HDAC11: variants seen among roughly 807,000 people sequenced by gnomAD.
The protein encoded by HDAC11 is histone deacetylase 11.
A neutral mutation model predicts 41.1 loss-of-function variants in HDAC11; 23 were observed. That is an observed-to-expected ratio of 0.56 (90% CI 0.40 to 0.79). The LOEUF (loss-of-function observed/expected upper bound fraction) is 0.79. Among genes scored for constraint, HDAC11 ranks in the 30% least tolerant of loss-of-function variants. HDAC11 has a pLI of 0.00. For missense variants in HDAC11, 402 were observed against 477.3 expected, an observed-to-expected ratio of 0.84 and a Z score of 1.47; for synonymous variants, 187 against 186.6, an observed-to-expected ratio of 1.00 and a Z score of -0.02.
chr3:13,486,225 C>CAT (rs1701558723), intron 3 of HDAC11, among the ~76,000 whole-genome samples: 1 of 144,604 alleles, frequency 6.9e-6, no homozygotes. Context: ...CGAGATTGCG[C>CAT]CATTGCACTC....
intron 3 of HDAC11, among the ~76,000 whole-genome samples, chr3:13,486,267 CAAAAAAAAAAA>C (rs76727800): frequency 1.5e-5 from 1 of 65,212 alleles, no homozygotes; most frequent in African/African-American, 6.4e-5. Context: ...AACTCCATCT[CAAAAAAAAAAA>C]AAAAAAAAAA....
intron 3 of HDAC11, among the ~76,000 whole-genome samples, chr3:13,486,836 C>T (rs1463045556): frequency 1.3e-5 from 2 of 152,132 alleles, no homozygotes; most frequent in Non-Finnish European, 2.9e-5. Flanking sequence ...GCCTCGGCCT[C>T]CCAAAGTGCT....
chr3:13,502,006 G>C lies in HDAC11; in HGVS notation c.552+73G>C. The stretch of plus-strand genomic sequence containing the variant: ...GTTCCAGAATCTTCCCGGGGCAGGA[G>C]AGTCTCCCTCCTCATGTCCCCACGG... On this transcript the variant is annotated intron_variant, in intron 7 of 9. Transcript: ENST00000295757. The surrounding 1 kb of genome is among the most constrained non-coding windows in gnomAD (Gnocchi z 4.1). 1 of 1,280,238 alleles carries C rather than the reference G, an allele frequency of 7.8e-7. No homozygotes were observed. The highest frequency in any genetic ancestry group is 1.1e-6 in the Non-Finnish European group (1 of 882,046). 79.3% of individuals were successfully genotyped at this position (1,280,238 alleles called of 1,614,324 possible).
chr3:13,481,173 A>G (rs887941150), intron 1 of HDAC11, 73 bp from the exon 2 acceptor site: 13 of 1,510,602 alleles, frequency 8.6e-6, no homozygotes, highest in East Asian at 2.4e-5. Context: ...GGGTCAGTCC[A>G]GGCGGGCTCG....
chr3:13,494,094 C>T (rs758229138), intron 3 of HDAC11, among the ~76,000 whole-genome samples: 4 of 152,248 alleles, frequency 2.6e-5, no homozygotes, highest in Non-Finnish European at 5.9e-5. Flanking sequence ...GCTTCCCAAA[C>T]GACTTGCCGG....
At chr3:13,484,615 C>T (rs1022958708) in intron 3 of HDAC11, among the ~76,000 whole-genome samples, 1 of 152,226 alleles carries the variant, frequency 6.6e-6, no homozygotes, top group Non-Finnish European at 1.5e-5. Context: ...TAACCTCCGC[C>T]TCCCGGGTTC....
At chr3:13,493,976 A>G (rs1000097992) in intron 3 of HDAC11, among the ~76,000 whole-genome samples, 4 of 152,240 alleles carry the variant, frequency 2.6e-5, no homozygotes, top group Non-Finnish European at 5.9e-5. Context: ...ATCTTCTGAC[A>G]TCTGGGGGGA....
rs368981033 is a variant in HDAC11 at position 13,504,143 on chromosome 3, G to C, written c.699G>C (p.Glu233Asp). 1 of 1,614,004 alleles carries C rather than the reference G, an allele frequency of 6.2e-7. No homozygotes were observed. The highest frequency in any genetic ancestry group is 1.3e-5 in the African/African-American group (1 of 74,940). Residue 233 changes from glutamate to aspartate, a missense_variant, in exon 9 of 10, where the codon GAG becomes GAC. By Grantham distance (45) the Glu-to-Asp change is conservative. Coordinates refer to ENST00000295757, the MANE Select transcript of HDAC11 (RefSeq NM_024827.4). ...TGGAGTGGGGCACAGAGGATGATGA[G>C]TACCTGGATAAGGTGGAGAGGAACA... ...VELEWGTEDD[E>D]YLDKVERNIK...
intron 5 of HDAC11, 53 bp from the exon 6 acceptor site, chr3:13,500,660 G>A: frequency 7.0e-7 from 1 of 1,433,002 alleles, no homozygotes; most frequent in Non-Finnish European, 9.6e-7. Flanking sequence ...GGAGCTCCTG[G>A]ACTGAGCCTG....
chr3:13,498,264 C>T (rs1470377804), intron 4 of HDAC11, among the ~76,000 whole-genome samples: 1 of 152,178 alleles, frequency 6.6e-6, no homozygotes, highest in African/African-American at 2.4e-5. Context: ...TTTATTTTTT[C>T]CAGTTTCCTT....
chr3:13,480,589 G>C lies in HDAC11; in HGVS notation c.2+240G>C, dbSNP rs1339100813. On this transcript the variant is annotated intron_variant, in intron 1 of 9. Transcript: ENST00000295757. The surrounding 1 kb of genome is among the most constrained non-coding windows in gnomAD (Gnocchi z 4.6). ...CGGCCGCGGGCCTGGGCCCGGACCC[G>C]GAGCGGTCGGGCGATGTGCGCGGGT... 1 of 299,004 alleles carries C rather than the reference G, an allele frequency of 3.3e-6. No individual in the cohort carries two copies. Among genetic ancestry groups the C allele is most frequent in the African/African-American group, 2.2e-5 (1 of 44,628 alleles). 18.5% of individuals were successfully genotyped at this position (299,004 alleles called of 1,614,324 possible). A position where few individuals can be genotyped will look rare whatever the true frequency, so the allele number is the denominator to read the frequency against.
intron 3 of HDAC11, among the ~76,000 whole-genome samples, chr3:13,483,801 C>G (rs894339578): frequency 3.9e-5 from 6 of 152,160 alleles, no homozygotes; most frequent in African/African-American, 1.4e-4. Context: ...CTCCCCTTCT[C>G]CAGGGCGTAT....
rs1446845437 is a variant in HDAC11 at position 13,481,376 on chromosome 3, G to A, written c.133G>A (p.Val45Met). ...HPFDAGKWGK[V>M]INFLKEEKLL... ...CTTTGATGCCGGAAAATGGGGCAAA[G>A]TGATCAATTTCCTAAAAGGTATGGA... Residue 45 changes from valine to methionine, a missense_variant, in exon 2 of 10, where the codon GTG becomes ATG. Coordinates refer to ENST00000295757, the MANE Select transcript of HDAC11 (RefSeq NM_024827.4). The A allele has an allele frequency of 6.2e-7, 1 of 1,614,002 alleles. No individual in the cohort carries two copies. The highest frequency in any genetic ancestry group is 8.5e-7 in the Non-Finnish European group (1 of 1,180,018).
At chr3:13,497,915 G>T (rs1473593624) in intron 4 of HDAC11, among the ~76,000 whole-genome samples, 1 of 148,068 alleles carries the variant, frequency 6.8e-6, no homozygotes, top group Non-Finnish European at 1.5e-5. Context: ...GAGTGCAGGG[G>T]TGTGACCTTG....
In HDAC11 at chr3:13,490,733, A is replaced by G. The variant is rs185436742; in HGVS notation, c.253-6003A>G. ...TACAACTTTGCTGAATTTGTTTCTT[A>G]GCATTTTTTTCTTTTTTTTTTTTTT... On this transcript the variant is annotated intron_variant, in intron 3 of 9. Transcript: ENST00000295757. 3.6e-3 allele frequency among the ~76,000 whole-genome samples: 368 copies of G among 101,826 alleles called. 2 individuals carry two copies. Among genetic ancestry groups the G allele is most frequent in the Admixed American group, 0.011 (114 of 9,966 alleles). 66.8% of individuals were successfully genotyped at this position (101,826 alleles called of 152,430 possible). A position where few individuals can be genotyped will look rare whatever the true frequency, so the allele number is the denominator to read the frequency against.
At chr3:13,482,423 A>G (rs1486459594) in intron 2 of HDAC11, among the ~76,000 whole-genome samples, 4 of 152,234 alleles carry the variant, frequency 2.6e-5, no homozygotes, top group Admixed American at 6.5e-5. Context: ...TTTGAACGGA[A>G]GATGAGCAAA....
At chr3:13,500,208 G>T (rs187920046) in intron 5 of HDAC11, among the ~76,000 whole-genome samples, 16 of 152,096 alleles carry the variant, frequency 1.1e-4, no homozygotes, top group Non-Finnish European at 1.6e-4. Context: ...TGCAGGGGAG[G>T]GGGTATCTAT....
chr3:13,493,491 G>A (rs1701956958), intron 3 of HDAC11, among the ~76,000 whole-genome samples: 1 of 152,266 alleles, frequency 6.6e-6, no homozygotes, highest in Non-Finnish European at 1.5e-5. Flanking sequence ...CTGGCCGCAT[G>A]TGGCTCTTGA....
chr3:13,499,559 A>G (rs1702258429), intron 5 of HDAC11, among the ~76,000 whole-genome samples: 1 of 152,176 alleles, frequency 6.6e-6, no homozygotes, highest in Admixed American at 6.5e-5. Context: ...TGCGTACTGG[A>G]TCGTGTAGAG....
Sources: gnomAD v4.1 joint callset for allele counts (sites outside exome capture counted in the v4.1 genomes callset) on GRCh38, gnomAD v4.1.1 for gene constraint, Gnocchi (gnomAD v3.1) non-coding constraint, MANE v1.5 for transcripts, NCBI Gene and HGNC (gene_info 2026-07-23, HGNC 2026-07-21) for gene names.